C19orf18: variants seen among roughly 807,000 people sequenced by gnomAD.
The protein encoded by C19orf18 is uncharacterized protein C19orf18.
Under a neutral mutation model 23.3 loss-of-function variants are expected in C19orf18, and 21 were observed. The ratio of observed to expected loss-of-function variants is 0.90; its 90% CI spans 0.64 to 1.30. The LOEUF is 1.30. Among genes scored for constraint, C19orf18 ranks in the 50% most tolerant of loss-of-function variants. The pLI, the probability that C19orf18 is intolerant of heterozygous loss-of-function variation, is 0.00. For synonymous variants in C19orf18, 96 were observed against 95.2 expected (o/e 1.01, Z -0.05); for missense variants, 249 against 259.6 (o/e 0.96, Z 0.28).
At position 57,960,001 on chromosome 19, in the gene C19orf18, C is replaced by T. The variant is rs183610635; in HGVS notation, c.533-1284G>A. On this transcript the variant is annotated intron_variant, in intron 5 of 5. Transcript: ENST00000314391. Reference sequence around the variant, plus strand: ...GTGCACGCCTGTAATCCCAGCTACTCGGGAGGCTGAGGCAGGAGAATTGCT... The same window carrying T: ...GTGCACGCCTGTAATCCCAGCTACTTGGGAGGCTGAGGCAGGAGAATTGCT... Among the ~76,000 whole-genome samples, 377 of 150,782 alleles carry T rather than the reference C, an allele frequency of 2.5e-3. 2 individuals carry two copies. Among genetic ancestry groups the T allele is most frequent in the Middle Eastern group, 0.01 (3 of 292 alleles).
chr19:57,972,514 CA>C lies in C19orf18; in HGVS notation c.227-11del. ...TTCGTAGGGGATGCAGCTAAAAGGC[CA>C]TCAAAGGGGATCAAAAAGAAGAGAC... On this transcript the variant is annotated splice_polypyrimidine_tract_variant and intron_variant, in intron 2 of 5. Coordinates refer to ENST00000314391, the MANE Select transcript of C19orf18 (RefSeq NM_152474.5). 6.2e-7 allele frequency: 1 copy of C among 1,613,696 alleles called. No individual in the cohort carries two copies. The highest frequency in any genetic ancestry group is 2.2e-5 in the East Asian group (1 of 44,874).
At position 57,972,517 on chromosome 19, in the gene C19orf18, C is replaced by A; in HGVS notation, c.227-13G>T. ...GTAGGGGATGCAGCTAAAAGGCCAT[C>A]AAAGGGGATCAAAAAGAAGAGACTT... On this transcript the variant is annotated splice_polypyrimidine_tract_variant and intron_variant, in intron 2 of 5. Coordinates refer to ENST00000314391, the MANE Select transcript of C19orf18 (RefSeq NM_152474.5). The A allele has an allele frequency of 6.2e-7, 1 of 1,613,456 alleles. No individual in the cohort carries two copies. The highest frequency in any genetic ancestry group is 2.2e-5 in the East Asian group (1 of 44,864).
chr19:57,959,117 T>C (rs772677676), intron 5 of C19orf18, among the ~76,000 whole-genome samples: 2 of 152,208 alleles, frequency 1.3e-5, no homozygotes, highest in African/African-American at 2.4e-5. Context: ...CATGTGAGGA[T>C]GGTTAGTATG....
In C19orf18 at chr19:57,974,315, G is replaced by T; in HGVS notation, c.118C>A (p.Pro40Thr). 5.0e-6 allele frequency: 8 copies of T among 1,614,060 alleles called. No individual in the cohort carries two copies. Among genetic ancestry groups the T allele is most frequent in the Non-Finnish European group, 6.8e-6 (8 of 1,179,996 alleles). The change falls in exon 1 of 6, where the codon CCA becomes ACA. Residue 40 changes from proline to threonine, a missense_variant. Transcript: ENST00000314391. ...LHPTGNITGL[P>T]GSKRSQPPRN... ...TAAAACCAGTGGTTGAAGCTACCTG[G>T]TAAGCCTGTTATGTTTCCAGTGGGA... is the stretch of plus-strand genomic sequence containing the variant.
intron 5 of C19orf18, among the ~76,000 whole-genome samples, chr19:57,960,173 TCC>T (rs2072857070): frequency 6.6e-6 from 1 of 151,698 alleles, no homozygotes; most frequent in African/African-American, 2.4e-5. Context: ...ATGCCTGTAA[TCC>T]CAGCACTTTG....
At position 57,961,443 on chromosome 19, in the gene C19orf18, G is replaced by A. The variant is rs757465701; in HGVS notation, c.480C>T (p.Ser160=). 2 of 1,613,940 alleles carry A rather than the reference G, an allele frequency of 1.2e-6. No homozygotes were observed. The highest frequency in any genetic ancestry group is 2.2e-5 in the East Asian group (1 of 44,882). The change falls in exon 5 of 6, where the codon TCC becomes TCT. Residue 160 remains serine, a synonymous_variant. Transcript: ENST00000314391. ...EEEGSEDEGE[S]THLLPENENE... ...TTTCGTTCTCTGGAAGTAGGTGCGT[G>A]GACTCACCCTCGTCCTCTGAGCCCT...
At chr19:57,972,943 T>C (rs2072954989) in intron 2 of C19orf18, among the ~76,000 whole-genome samples, 1 of 150,194 alleles carries the variant, frequency 6.7e-6, no homozygotes, top group Non-Finnish European at 1.5e-5. Flanking sequence ...AGGTCAGGAG[T>C]TCGAGACCAG....
intron 4 of C19orf18, among the ~76,000 whole-genome samples, chr19:57,963,031 T>TA (rs1568566307): frequency 1.3e-4 from 18 of 142,128 alleles, no homozygotes; most frequent in African/African-American, 1.9e-4. Flanking sequence ...CTCAATTTTT[T>TA]TTTTTTTTTT....
In C19orf18 at chr19:57,966,644, G is replaced by C; in HGVS notation, c.269-12C>G. On this transcript the variant is annotated splice_polypyrimidine_tract_variant and intron_variant, in intron 3 of 5. Coordinates refer to ENST00000314391, the MANE Select transcript of C19orf18 (RefSeq NM_152474.5). The stretch of plus-strand genomic sequence containing the variant: ...ATGCCGAATTATTGCTAAAAAGAAA[G>C]AAAAGAAAAGAAGTGCTCAAAAATG... 6.4e-7 allele frequency: 1 copy of C among 1,565,416 alleles called. No homozygotes were observed. Among genetic ancestry groups the C allele is most frequent in the Non-Finnish European group, 8.8e-7 (1 of 1,138,504 alleles).
intron 4 of C19orf18, among the ~76,000 whole-genome samples, chr19:57,962,685 G>A (rs899216197): frequency 8.6e-5 from 13 of 152,030 alleles, no homozygotes; most frequent in African/African-American, 1.4e-4. Flanking sequence ...GAGAAACCCC[G>A]TCTGTACTAA....
At chr19:57,963,427 T>C (rs1181285110) in intron 4 of C19orf18, among the ~76,000 whole-genome samples, 1 of 152,078 alleles carries the variant, frequency 6.6e-6, no homozygotes, top group African/African-American at 2.4e-5. Context: ...ATCCAAACAG[T>C]GCTGTGCTAA....
intron 5 of C19orf18, among the ~76,000 whole-genome samples, chr19:57,959,612 G>C (rs1049900707): frequency 2.0e-5 from 3 of 151,448 alleles, no homozygotes; most frequent in Non-Finnish European, 4.4e-5. Context: ...GCAACAGAGC[G>C]AGACTCCATC....
At chr19:57,960,836 G>A (rs1050670402) in intron 5 of C19orf18, among the ~76,000 whole-genome samples, 2 of 152,154 alleles carry the variant, frequency 1.3e-5, no homozygotes, top group African/African-American at 4.8e-5. Context: ...GTGAATATTT[G>A]TCTCTCTTAC....
chr19:57,967,119 A>G (rs558779899), intron 3 of C19orf18, among the ~76,000 whole-genome samples: 16 of 151,540 alleles, frequency 1.1e-4, no homozygotes, highest in Non-Finnish European at 2.2e-4. Flanking sequence ...GAAACAGACC[A>G]TTGGGGATTG....
At chr19:57,961,633 G>C in intron 4 of C19orf18, 82 bp from the exon 5 acceptor site, 2 of 1,500,784 alleles carry the variant, frequency 1.3e-6, no homozygotes, top group Non-Finnish European at 1.8e-6. Context: ...TTTTTGACAG[G>C]AAAGGAGTCG....
chr19:57,969,566 GAAAAAAAAAAAAAAAA>G (rs59100128), intron 3 of C19orf18, among the ~76,000 whole-genome samples: 9 of 46,498 alleles, frequency 1.9e-4, no homozygotes, highest in East Asian at 2.4e-3. Context: ...AAAAAAAACA[GAAAAAAAAAAAAAAAA>G]AAAAAAAAAA....
intron 4 of C19orf18, among the ~76,000 whole-genome samples, chr19:57,964,438 C>T (rs2072894611): frequency 6.6e-6 from 1 of 152,160 alleles, no homozygotes; most frequent in Non-Finnish European, 1.5e-5. Context: ...CGTGCTACCA[C>T]ACCTGGCTAA....
intron 5 of C19orf18, among the ~76,000 whole-genome samples, chr19:57,959,839 G>A (rs1191535348): frequency 6.6e-6 from 1 of 150,478 alleles, no homozygotes; most frequent in Non-Finnish European, 1.5e-5. Context: ...GCCAGGAGCG[G>A]TGGCTCACAC....
chr19:57,974,156 C>G lies in C19orf18; in HGVS notation c.169G>C (p.Val57Leu). Residue 57 changes from valine (V) to leucine (L), a missense_variant, in exon 2 of 6, where the codon GTG (valine) becomes CTG (leucine). Transcript: ENST00000314391. ...PPRNITKEPKVFFHKTQLPGI... is the reference protein window; with the variant it reads ...PPRNITKEPKLFFHKTQLPGI... ...GGCAACTGGGTTTTATGAAAGAACA[C>G]TTTGGGCTCTTTGGTGATGTTTCTG... 6.2e-7 allele frequency: 1 copy of G among 1,614,136 alleles called. No individual in the cohort carries two copies. Among genetic ancestry groups the G allele is most frequent in the Non-Finnish European group, 8.5e-7 (1 of 1,180,020 alleles).
Sources: gnomAD v4.1 joint callset for allele counts (sites outside exome capture counted in the v4.1 genomes callset) on GRCh38, gnomAD v4.1.1 for gene constraint, MANE v1.5 for transcripts, NCBI Gene and HGNC (gene_info 2026-07-23, HGNC 2026-07-21) for gene names.